Variants in AKAP9 observed in about 807,000 individuals in gnomAD.
AKAP9 encodes the protein A-kinase anchor protein 9.
AKAP9 carries 311 observed loss-of-function variants against 488.5 expected under a neutral mutation model. That is an observed-to-expected ratio of 0.64 (90% CI 0.58 to 0.70). AKAP9 has a LOEUF of 0.70. AKAP9 is among the 30% of genes least tolerant of loss of function. The pLI is 0.00. For missense variants in AKAP9, 4,215 were observed against 4,374.5 expected (o/e 0.96, Z 1.03); for synonymous variants, 1,462 against 1,483.5 (o/e 0.99, Z 0.33).
chr7:91,998,418 CTTTTTTTTTTTTTTTTTTTTTT>C (rs60778133), intron 7 of AKAP9, among the ~76,000 whole-genome samples: 3 of 53,962 alleles, frequency 5.6e-5, no homozygotes, highest in Non-Finnish European at 7.9e-5. Context: ...CCACAGGGCT[CTTTTTTTTTTTTTTTTTTTTTT>C]TTTTTTTTTT....
chr7:92,018,435 C>CACAT (rs201614133), intron 12 of AKAP9, among the ~76,000 whole-genome samples: 9,006 of 141,020 alleles, frequency 0.064, 565 homozygotes, highest in Admixed American at 0.19. Flanking sequence ...CACACACACA[C>CACAT]ACACACAGAG....
intron 22 of AKAP9, among the ~76,000 whole-genome samples, chr7:92,054,720 A>G (rs1215204992): frequency 1.3e-5 from 2 of 152,072 alleles, no homozygotes; most frequent in African/African-American, 4.8e-5. Flanking sequence ...TCCATATTAT[A>G]GTACATTTAT....
chr7:92,045,748 G>T (rs1030616985), intron 21 of AKAP9, among the ~76,000 whole-genome samples: 2 of 151,832 alleles, frequency 1.3e-5, no homozygotes, highest in African/African-American at 4.8e-5. Flanking sequence ...TATGGATCCA[G>T]AGATTAGGTC....
At chr7:92,041,484 C>A (rs1806100218) in intron 18 of AKAP9, 1 of 154,162 alleles carries the variant, frequency 6.5e-6, no homozygotes, top group Non-Finnish European at 1.4e-5. Flanking sequence ...CATTCTTATC[C>A]CTTTCTTGAC....
chr7:92,066,315 C>T (rs1810753182), intron 25 of AKAP9, 112 bp from the exon 26 acceptor site: 1 of 1,322,778 alleles, frequency 7.6e-7, no homozygotes, highest in African/African-American at 1.5e-5. Context: ...CCATGATCAT[C>T]AGTCCTTTGT....
rs772513653 is a variant in AKAP9, at chr7:92,100,846, G to A, written c.10897-10G>A. ...CAGAGACTTGTGTAAGTAGGCTGTGGTCTTTGCAGTCTTCCAGGTTTTCAT... is the reference window on the plus strand; with the variant it reads ...CAGAGACTTGTGTAAGTAGGCTGTGATCTTTGCAGTCTTCCAGGTTTTCAT... On this transcript the variant is annotated splice_polypyrimidine_tract_variant and intron_variant, in intron 44 of 49. Transcript: ENST00000356239. 1 of 1,614,062 alleles carries A rather than the reference G, an allele frequency of 6.2e-7. No homozygotes were observed. Among genetic ancestry groups the A allele is most frequent in the Non-Finnish European group, 8.5e-7 (1 of 1,179,984 alleles).
Position 91,940,898 on chromosome 7 carries a change from C to CGGT in AKAP9, c.-200_-198dup. On this transcript the variant is annotated 5_prime_UTR_variant, in exon 1 of 50. Transcript: ENST00000356239. ...GAGACGAAGATGGCGGCGGCGGCGG[C>CGGT]GGTGACGGCGCTTCCCGTGCGGCTG... 1.7e-6 allele frequency: 1 copy of CGGT among 598,130 alleles called. No individual in the cohort carries two copies. 37.1% of individuals were successfully genotyped at this position (598,130 alleles called of 1,614,324 possible). A position where few individuals can be genotyped will look rare whatever the true frequency, so the allele number is the denominator to read the frequency against.
chr7:92,071,142 A>C, intron 28 of AKAP9, 133 bp downstream of exon 28: 1 of 801,288 alleles, frequency 1.2e-6, no homozygotes. Flanking sequence ...GCTCAATGCC[A>C]AAATTGACCT....
intron 8 of AKAP9, among the ~76,000 whole-genome samples, chr7:92,011,166 C>T (rs939540443): frequency 6.6e-6 from 1 of 152,124 alleles, no homozygotes; most frequent in African/African-American, 2.4e-5. Context: ...TAGAAGCATT[C>T]CCATTAAAAT....
In AKAP9 at chr7:92,012,643, G is replaced by A; in HGVS notation, c.3532+1G>A. 1 of 1,599,314 alleles carries A rather than the reference G, an allele frequency of 6.3e-7. No individual in the cohort carries two copies. The highest frequency in any genetic ancestry group is 8.6e-7 in the Non-Finnish European group (1 of 1,167,356). On this transcript the variant is annotated splice_donor_variant, in intron 9 of 49. Transcript: ENST00000356239. LOFTEE classifies it high-confidence loss of function. Reference sequence around the variant, plus strand: ...CAGACTATGAAAACACAAGAAACAGGTAAAATGGTTTCTGACTTATAAGTA... The same window carrying A: ...CAGACTATGAAAACACAAGAAACAGATAAAATGGTTTCTGACTTATAAGTA...
chr7:92,081,755 A>G (rs1044125638), intron 31 of AKAP9, among the ~76,000 whole-genome samples: 2 of 152,040 alleles, frequency 1.3e-5, no homozygotes, highest in Non-Finnish European at 2.9e-5. Context: ...CATATGACAG[A>G]TAGGACAAGA....
chr7:91,981,762 C>G (rs978514084), intron 3 of AKAP9, among the ~76,000 whole-genome samples: 1 of 152,068 alleles, frequency 6.6e-6, no homozygotes. Flanking sequence ...TGTGCCACCA[C>G]ACCCGGCTAA....
Position 92,012,541 on chromosome 7 carries a change from G to A in AKAP9, c.3431G>A (p.Cys1144Tyr). Residue 1144 changes from cysteine to tyrosine, a missense_variant, in exon 9 of 50, where the codon TGC (cysteine) becomes TAC (tyrosine). Physicochemically the swap from Cys to Tyr is radical, Grantham distance 194. Transcript: ENST00000356239. ...YMENEKDKAL[C>Y]SLKEELIFAQ... ...GAAAATGAAAAAGATAAAGCTCTTT[G>A]CAGTCTTAAAGAAGAGCTTATTTTT... is the stretch of plus-strand genomic sequence containing the variant. 1 of 1,613,834 alleles carries A rather than the reference G, an allele frequency of 6.2e-7. No individual in the cohort carries two copies. Among genetic ancestry groups the A allele is most frequent in the African/African-American group, 1.3e-5 (1 of 75,024 alleles).
At chr7:92,032,484 G>A (rs1199378913) in intron 16 of AKAP9, among the ~76,000 whole-genome samples, 5 of 128,964 alleles carry the variant, frequency 3.9e-5, no homozygotes, top group Admixed American at 8.0e-5. Context: ...CAACAAAAGC[G>A]AAACTCCGTC....
At chr7:91,986,957 T>C (rs1797174147) in intron 3 of AKAP9, among the ~76,000 whole-genome samples, 1 of 151,830 alleles carries the variant, frequency 6.6e-6, no homozygotes, top group South Asian at 2.1e-4. Flanking sequence ...AATATATACA[T>C]ATGCATACTT....
In AKAP9 at chr7:91,941,124, A is replaced by C. The variant is rs756863406; in HGVS notation, c.25A>C (p.Lys9Gln). The change falls in exon 1 of 50, where the codon AAG becomes CAG. Residue 9 changes from lysine (K) to glutamine (Q), a missense_variant. Physicochemically the swap from Lys to Gln is moderately conservative, Grantham distance 53. This residue lies in a region of AKAP9 where 2,361 missense variants were observed against 2,430.0 expected (regional missense o/e 0.97). Transcript: ENST00000356239. ...CATGGAGGACGAGGAGAGACAGAAG[A>C]AGCTGGAGGCCGGCAAAGCCAAGGT... MEDEERQK[K>Q]LEAGKAKLAQ... The C allele has an allele frequency of 1.1e-5, 17 of 1,613,952 alleles. No homozygotes were observed. The highest frequency in any genetic ancestry group is 1.4e-5 in the Non-Finnish European group (17 of 1,179,948).
At chr7:92,058,947 T>C (rs1274823623) in intron 22 of AKAP9, among the ~76,000 whole-genome samples, 2 of 152,016 alleles carry the variant, frequency 1.3e-5, no homozygotes, top group Admixed American at 6.6e-5. Flanking sequence ...GCTTTTTATA[T>C]GAAATATATT....
At chr7:91,957,107 TA>T (rs1793119369) in intron 1 of AKAP9, among the ~76,000 whole-genome samples, 2 of 152,096 alleles carry the variant, frequency 1.3e-5, no homozygotes, top group Non-Finnish European at 2.9e-5. Flanking sequence ...TTTGCCCAAT[TA>T]AAAAAATATG....
chr7:92,002,484 AC>A lies in AKAP9; in HGVS notation c.2568del (p.Phe857LeufsTer18). On this transcript the variant is annotated frameshift_variant, in exon 8 of 50. Transcript: ENST00000356239. LOFTEE classifies it high-confidence loss of function. Reference protein sequence around the residue: ...QRNTFSFAEKNFEVNYQELQE... With the variant: ...QRNTFSFAEKXFEVNYQELQE... ...AACACTTTTTCATTTGCTGAAAAAA[AC>A]TTTGAAGTTAACTATCAAGAGTTAC... The A allele has an allele frequency of 6.2e-7, 1 of 1,611,482 alleles. No homozygotes were observed. Among genetic ancestry groups the A allele is most frequent in the Non-Finnish European group, 8.5e-7 (1 of 1,179,228 alleles).
Sources: gnomAD v4.1 joint callset for allele counts (sites outside exome capture counted in the v4.1 genomes callset) on GRCh38, gnomAD v4.1.1 for gene constraint, gnomAD v4.1.1 regional missense constraint, MANE v1.5 for transcripts, NCBI Gene and HGNC (gene_info 2026-07-23, HGNC 2026-07-21) for gene names.